PDE1C: variants seen among roughly 807,000 people sequenced by gnomAD.
The protein encoded by PDE1C is phosphodiesterase 1C, also known as dual specificity calcium/calmodulin-dependent 3',5'-cyclic nucleotide phosphodiesterase 1C.
A neutral mutation model predicts 93.1 loss-of-function variants in PDE1C; 62 were observed. The observed-to-expected ratio is 0.67, with a 90% CI of 0.54 to 0.82. PDE1C has a LOEUF of 0.82. Ranked by LOEUF, PDE1C falls within the 40% of genes least tolerant of loss-of-function variation. The pLI, the probability that PDE1C is intolerant of heterozygous loss-of-function variation, is 0.00. For synonymous variants in PDE1C, 325 were observed against 310.1 expected (o/e 1.05, Z -0.50); for missense variants, 742 against 884.6 (o/e 0.84, Z 2.04).
the PDE1C span, among the ~76,000 whole-genome samples, chr7:31,708,694 T>A: frequency 6.6e-6 from 1 of 152,220 alleles, no homozygotes; most frequent in East Asian, 1.9e-4. Flanking sequence ...ACCTGTCAAT[T>A]TGGGCCTGAT....
the PDE1C span, chr7:31,658,144 T>C: frequency 2.9e-6 from 2 of 688,740 alleles, no homozygotes; most frequent in Non-Finnish European, 4.3e-6. Flanking sequence ...AGGGTTGCTC[T>C]GAACCACAGT....
intron 14 of PDE1C, among the ~76,000 whole-genome samples, chr7:31,818,290 CAGA>C (rs1788515796): frequency 6.6e-6 from 1 of 152,142 alleles, no homozygotes; most frequent in South Asian, 2.1e-4. Flanking sequence ...AATGCTCTTG[CAGA>C]AGAAGATGGT....
At chr7:31,876,909 A>G (rs1796665325) in intron 5 of PDE1C, among the ~76,000 whole-genome samples, 1 of 152,132 alleles carries the variant, frequency 6.6e-6, no homozygotes, top group Non-Finnish European at 1.5e-5. Context: ...CAGCTAGTAA[A>G]TGTCTCTGAG....
At chr7:31,796,110 CAT>C (rs1006127006) in intron 16 of PDE1C, among the ~76,000 whole-genome samples, 22 of 149,260 alleles carry the variant, frequency 1.5e-4, no homozygotes, top group African/African-American at 4.9e-4. Flanking sequence ...TATACACACA[CAT>C]ATATATATAT....
chr7:32,329,385 G>C (rs1783467454), intron 1 of PDE1C, among the ~76,000 whole-genome samples: 1 of 152,124 alleles, frequency 6.6e-6, no homozygotes, highest in Non-Finnish European at 1.5e-5. Context: ...CTATTATGGA[G>C]GCGATAGACC....
chr7:32,069,088 G>C (rs910284000), intron 1 of PDE1C, among the ~76,000 whole-genome samples: 1 of 152,142 alleles, frequency 6.6e-6, no homozygotes, highest in African/African-American at 2.4e-5. Context: ...TATTTGGCAT[G>C]GTTTCCCATT....
At chr7:32,262,160 A>G (rs1810255555) in intron 1 of PDE1C, among the ~76,000 whole-genome samples, 1 of 152,070 alleles carries the variant, frequency 6.6e-6, no homozygotes, top group Admixed American at 6.6e-5. Flanking sequence ...TGAACAATTC[A>G]CAGGAGATGA....
chr7:32,157,860 T>C (rs116040112), intron 3 of PDE1C, among the ~76,000 whole-genome samples: 178 of 152,318 alleles, frequency 1.2e-3, no homozygotes, highest in African/African-American at 4.1e-3. Flanking sequence ...AATTGTTCTA[T>C]AAGTTTAAAT....
intron 3 of PDE1C, among the ~76,000 whole-genome samples, chr7:32,153,983 A>G (rs1801418997): frequency 6.6e-6 from 1 of 152,226 alleles, no homozygotes; most frequent in Non-Finnish European, 1.5e-5. Context: ...GCCAGGCGCA[A>G]TGGCTTATGC....
At chr7:31,955,738 G>A (rs73310522) in intron 2 of PDE1C, among the ~76,000 whole-genome samples, 4,789 of 152,166 alleles carry the variant, frequency 0.031, 242 homozygotes, top group African/African-American at 0.11. Context: ...TTGAGGGTCC[G>A]GGAAATTAAA....
intron 1 of PDE1C, among the ~76,000 whole-genome samples, chr7:32,366,273 T>C (rs981737843): frequency 2.0e-5 from 3 of 152,206 alleles, no homozygotes; most frequent in Non-Finnish European, 2.9e-5. Flanking sequence ...AGCTGAAGAA[T>C]TCAATGACTA....
At chr7:31,908,934 T>C (rs1019772788) in intron 2 of PDE1C, among the ~76,000 whole-genome samples, 1 of 152,190 alleles carries the variant, frequency 6.6e-6, no homozygotes, top group African/African-American at 2.4e-5. Context: ...AAAGCATAAC[T>C]GAGGCGTCTC....
the PDE1C span, among the ~76,000 whole-genome samples, chr7:31,661,058 C>T: frequency 2.0e-5 from 3 of 151,510 alleles, no homozygotes; most frequent in South Asian, 2.1e-4. Flanking sequence ...GAGATAAGCT[C>T]GAGAAAAGGT....
intron 1 of PDE1C, among the ~76,000 whole-genome samples, chr7:32,335,709 T>A (rs1239816932): frequency 7.6e-6 from 1 of 130,890 alleles, no homozygotes; most frequent in Admixed American, 7.2e-5. Context: ...TCTGTTTTTG[T>A]TTTTTTGTTT....
intron 15 of PDE1C, 42 bp from the exon 16 acceptor site, chr7:31,809,150 G>T: frequency 9.3e-7 from 1 of 1,080,088 alleles, no homozygotes; most frequent in Non-Finnish European, 1.4e-6. Context: ...GTATGCAGCT[G>T]AGGGGGTTGT....
At chr7:32,086,928 C>T (rs1241626813) in intron 3 of PDE1C, among the ~76,000 whole-genome samples, 17 of 151,100 alleles carry the variant, frequency 1.1e-4, no homozygotes, top group Admixed American at 1.1e-3. Context: ...CATTACCATT[C>T]AGGACATAGG....
the PDE1C span, among the ~76,000 whole-genome samples, chr7:31,681,611 C>T: frequency 3.9e-5 from 6 of 152,162 alleles, no homozygotes; most frequent in African/African-American, 7.2e-5. Flanking sequence ...GCGTCTGTCT[C>T]TCTCATTTCC....
At chr7:32,022,032 T>TTAGG (rs1186643656) in intron 2 of PDE1C, among the ~76,000 whole-genome samples, 2 of 152,116 alleles carry the variant, frequency 1.3e-5, no homozygotes, top group African/African-American at 4.8e-5. Flanking sequence ...AAGTACATAA[T>TTAGG]TAGGTTGCCT....
In PDE1C at chr7:31,880,893, A is replaced by G. The variant is rs1377337516; in HGVS notation, c.129-33T>C. 5 of 1,282,564 alleles carry G rather than the reference A, an allele frequency of 3.9e-6. No individual in the cohort carries two copies. In the African/African-American group the frequency reaches 7.3e-5, roughly 19 times the overall value. 79.4% of individuals were successfully genotyped at this position (1,282,564 alleles called of 1,614,324 possible). A position where few individuals can be genotyped will look rare whatever the true frequency, so the allele number is the denominator to read the frequency against. Reference sequence around the variant, plus strand: ...AATAAAAAGACATAATTTCATTAGAATAGAGGAAACAAAGAATAATCCTAC... The same window carrying G: ...AATAAAAAGACATAATTTCATTAGAGTAGAGGAAACAAAGAATAATCCTAC... On this transcript the variant is annotated intron_variant, in intron 2 of 17. Coordinates refer to ENST00000396191, the MANE Select transcript of PDE1C (RefSeq NM_001191057.4).
Sources: allele counts gnomAD v4.1 joint callset (sites outside exome capture counted in the v4.1 genomes callset), GRCh38; gene constraint gnomAD v4.1.1; transcripts MANE v1.5; gene names NCBI Gene and HGNC (gene_info 2026-07-23, HGNC 2026-07-21).